The following MRTFB variants were observed in gnomAD, a reference collection of about 807,000 sequenced individuals.
The protein encoded by MRTFB is myocardin related transcription factor B.
In MRTFB, 29 loss-of-function variants were observed where a neutral mutation model predicts 104.2. The ratio of observed to expected loss-of-function variants is 0.28; its 90% CI spans 0.21 to 0.38. The LOEUF is 0.38. Ranked by LOEUF, MRTFB falls within the 10% of genes least tolerant of loss-of-function variation. The pLI, the probability that MRTFB is intolerant of heterozygous loss-of-function variation, is 1.00. For synonymous variants in MRTFB, 535 were observed against 519.5 expected (o/e 1.03, Z -0.41); for missense variants, 1,270 against 1,341.6 (o/e 0.95, Z 0.83).
At chr16:14,172,628 G>A (rs1290097227) in intron 3 of MRTFB, among the ~76,000 whole-genome samples, 2 of 152,040 alleles carry the variant, frequency 1.3e-5, no homozygotes, top group Non-Finnish European at 2.9e-5. Context: ...GCATCACTTC[G>A]CATTCCAACT....
At chr16:14,184,546 A>G (rs1233909923) in intron 3 of MRTFB, among the ~76,000 whole-genome samples, 1 of 152,090 alleles carries the variant, frequency 6.6e-6, no homozygotes, top group Non-Finnish European at 1.5e-5. Context: ...TCCCATGTGT[A>G]GATCAGGAAA....
the MRTFB span, among the ~76,000 whole-genome samples, chr16:14,056,758 A>G: frequency 2.0e-5 from 3 of 151,936 alleles, no homozygotes; most frequent in Non-Finnish European, 2.9e-5. Context: ...GGATATATCT[A>G]TCTATCTATG....
At chr16:14,201,057 A>G (rs761262290) in intron 3 of MRTFB, 8 of 1,481,628 alleles carry the variant, frequency 5.4e-6, no homozygotes, top group South Asian at 1.3e-5. Context: ...AGCTTAGTCC[A>G]TGTTGCAACG....
chr16:14,078,133 T>C (rs188648966), intron 1 of MRTFB, among the ~76,000 whole-genome samples: 4 of 152,270 alleles, frequency 2.6e-5, no homozygotes, highest in African/African-American at 7.2e-5. Flanking sequence ...GATCTGTTAC[T>C]GTCCCCCACC....
At chr16:14,199,362 C>T (rs1021283599) in intron 3 of MRTFB, among the ~76,000 whole-genome samples, 56 of 152,280 alleles carry the variant, frequency 3.7e-4, no homozygotes, top group African/African-American at 1.2e-3. Flanking sequence ...TATTCTCTAC[C>T]TCAGCAAACT....
chr16:14,237,321 A>G (rs780982666), intron 9 of MRTFB, among the ~76,000 whole-genome samples: 1 of 152,252 alleles, frequency 6.6e-6, no homozygotes, highest in Non-Finnish European at 1.5e-5. Context: ...ACAGCTAGCA[A>G]GAGTGAGGCA....
chr16:14,033,267 C>G, the MRTFB span, among the ~76,000 whole-genome samples: 2 of 151,988 alleles, frequency 1.3e-5, no homozygotes, highest in South Asian at 4.2e-4. Context: ...AAACATAGGT[C>G]GGGTGCAGAG....
At chr16:14,215,189 C>CT (rs2041363517) in intron 6 of MRTFB, among the ~76,000 whole-genome samples, 1 of 152,110 alleles carries the variant, frequency 6.6e-6, no homozygotes, top group South Asian at 2.1e-4. Flanking sequence ...CAAAATAAAT[C>CT]TTTTTTTAAG....
chr16:14,212,114 A>G (rs1305387818), intron 4 of MRTFB, among the ~76,000 whole-genome samples: 1 of 152,190 alleles, frequency 6.6e-6, no homozygotes, highest in Non-Finnish European at 1.5e-5. Context: ...CTGAACTGAT[A>G]TTTGCATTGT....
At chr16:14,237,124 C>G (rs1190471822) in intron 9 of MRTFB, among the ~76,000 whole-genome samples, 1 of 152,050 alleles carries the variant, frequency 6.6e-6, no homozygotes, top group Non-Finnish European at 1.5e-5. Flanking sequence ...TGAGTGCAGA[C>G]CTTAGGAGAG....
intron 3 of MRTFB, among the ~76,000 whole-genome samples, chr16:14,206,513 A>G (rs145594235): frequency 1.4e-3 from 211 of 152,338 alleles, no homozygotes; most frequent in African/African-American, 4.5e-3. Flanking sequence ...GCCTGTGTCA[A>G]TTGTGAATGA....
At chr16:14,029,439 TATATATAC>T in the MRTFB span, among the ~76,000 whole-genome samples, 4 of 77,406 alleles carry the variant, frequency 5.2e-5, no homozygotes, top group African/African-American at 1.4e-4. Flanking sequence ...TATATATATA[TATATATAC>T]ACACACACAC....
intron 8 of MRTFB, among the ~76,000 whole-genome samples, chr16:14,232,785 G>A (rs889853546): frequency 2.6e-5 from 4 of 152,168 alleles, no homozygotes; most frequent in Non-Finnish European, 5.9e-5. Flanking sequence ...TAACTAGTAT[G>A]TGCCAAGCTT....
At chr16:14,017,547 A>G in the MRTFB span, among the ~76,000 whole-genome samples, 62 of 138,052 alleles carry the variant, frequency 4.5e-4, no homozygotes, top group African/African-American at 1.6e-3. Context: ...CCTCTATGGT[A>G]TGAGTTTTGT....
chr16:14,018,428 T>C, the MRTFB span, among the ~76,000 whole-genome samples: 1 of 152,230 alleles, frequency 6.6e-6, no homozygotes, highest in African/African-American at 2.4e-5. Context: ...ATGATTTTAG[T>C]TTTATTGTTT....
At chr16:14,019,520 T>A in the MRTFB span, 2 of 152,142 alleles carry the variant, frequency 1.3e-5, no homozygotes, top group African/African-American at 2.4e-5. Flanking sequence ...TCTATCAAGT[T>A]TTTTTTCATA....
chr16:13,997,792 C>CAAAAAA, the MRTFB span, among the ~76,000 whole-genome samples: 47 of 90,648 alleles, frequency 5.2e-4, no homozygotes, highest in African/African-American at 9.3e-4. Context: ...GACCCTATCT[C>CAAAAAA]AAAAAAAAAA....
chr16:14,259,460 G>T (rs1388672757), intron 16 of MRTFB, among the ~76,000 whole-genome samples: 1 of 151,134 alleles, frequency 6.6e-6, no homozygotes, highest in South Asian at 2.1e-4. Context: ...GTTTTATATA[G>T]TTACAAGACT....
At chr16:14,144,340 A>G (rs1195702548) in intron 3 of MRTFB, 2 of 152,232 alleles carry the variant, frequency 1.3e-5, no homozygotes, top group African/African-American at 4.8e-5. Flanking sequence ...GGCTTATGAT[A>G]TATTAACCTA....
Sources: allele counts gnomAD v4.1 joint callset (sites outside exome capture counted in the v4.1 genomes callset), GRCh38; gene constraint gnomAD v4.1.1; transcripts MANE v1.5; gene names NCBI Gene and HGNC (gene_info 2026-07-23, HGNC 2026-07-21).